Variants in ASB14 observed in about 807,000 individuals in gnomAD.
ASB14 encodes ankyrin repeat and SOCS box protein 14.
Under a neutral mutation model 55.6 loss-of-function variants are expected in ASB14, and 63 were observed. The observed-to-expected ratio is 1.13, with a 90% CI of 0.92 to 1.40. ASB14 has a LOEUF of 1.40. ASB14 is among the 40% of genes most tolerant of loss of function. The probability of loss-of-function intolerance (pLI) is 0.00; values close to 1 mark genes in which losing one functional copy is unlikely to be tolerated. For missense variants in ASB14, 724 were observed against 710.4 expected, an observed-to-expected ratio of 1.02 and a Z score of -0.22; for synonymous variants, 256 against 259.9, an observed-to-expected ratio of 0.98 and a Z score of 0.15.
At chr3:57,269,835 G>A in intron 10 of ASB14, 1 of 913,334 alleles carries the variant, frequency 1.1e-6, no homozygotes, top group Non-Finnish European at 1.6e-6. Context: ...AAAAAAGATT[G>A]AACTTGATGA....
chr3:57,279,381 T>G (rs1453558530), intron 7 of ASB14, among the ~76,000 whole-genome samples: 3 of 148,776 alleles, frequency 2.0e-5, no homozygotes, highest in Non-Finnish European at 3.0e-5. Flanking sequence ...TTCAAGCAAT[T>G]CTCCTAAGAG....
At chr3:57,277,345 A>T (rs2060998390) in intron 9 of ASB14, among the ~76,000 whole-genome samples, 1 of 152,182 alleles carries the variant, frequency 6.6e-6, no homozygotes, top group Admixed American at 6.5e-5. Context: ...AAGGGAAATA[A>T]CATGAAATAA....
At chr3:57,291,834 A>G in intron 2 of ASB14, 78 bp downstream of exon 2, 1 of 1,305,552 alleles carries the variant, frequency 7.7e-7, no homozygotes. Context: ...TTGTCACAAC[A>G]CTAGAGTTAA....
chr3:57,287,869 CAG>C, intron 5 of ASB14, 30 bp downstream of exon 5: 1 of 1,533,570 alleles, frequency 6.5e-7, no homozygotes, highest in Non-Finnish European at 8.7e-7. Context: ...CTCAGTGCCA[CAG>C]ACTCTTTCAG....
chr3:57,268,544 A>G lies in ASB14; in HGVS notation c.*1097T>C. ...GTTGTTTGTGAAGACTTAATTCAGC[A>G]CTATGACTTTCAGATTTGAATTTCC... On this transcript the variant is annotated 3_prime_UTR_variant, in exon 11 of 11. Coordinates refer to ENST00000487349, the MANE Select transcript of ASB14 (RefSeq NM_001142733.3). 1 of 1,485,270 alleles carries G rather than the reference A, an allele frequency of 6.7e-7. No homozygotes were observed. The highest frequency in any genetic ancestry group is 8.9e-7 in the Non-Finnish European group (1 of 1,117,896). 92.0% of individuals were successfully genotyped at this position (1,485,270 alleles called of 1,614,324 possible).
rs578211468 is a variant in ASB14 at position 57,274,831 on chromosome 3, T to C, written c.*22+1697A>G. ...AAGCCATCATTCATTTGAAAACACT[T>C]GTAATTCCAATTCCAGTGATCACAT... On this transcript the variant is annotated intron_variant, in intron 10 of 10. Transcript: ENST00000487349. Among the ~76,000 whole-genome samples, 27 of 152,326 alleles carry C rather than the reference T, an allele frequency of 1.8e-4. 1 individual carries two copies. The East Asian group carries it at 4.8e-3, about 27-fold the overall frequency.
intron 2 of ASB14, among the ~76,000 whole-genome samples, chr3:57,291,581 T>G (rs1194972351): frequency 6.6e-6 from 1 of 152,238 alleles, no homozygotes; most frequent in Non-Finnish European, 1.5e-5. Flanking sequence ...CCCGGTTGGA[T>G]TTATGCATTT....
intron 2 of ASB14, among the ~76,000 whole-genome samples, chr3:57,291,363 G>A (rs1237984966): frequency 2.0e-5 from 1 of 50,288 alleles, no homozygotes; most frequent in Non-Finnish European, 3.8e-5. Flanking sequence ...GTGTGAGCAG[G>A]TGTGCCATAT....
At chr3:57,278,264 T>C in intron 8 of ASB14, 113 bp downstream of exon 8, 1 of 729,604 alleles carries the variant, frequency 1.4e-6, no homozygotes, top group Non-Finnish European at 2.2e-6. Flanking sequence ...ATTATTATAC[T>C]AGGATCTCTT....
intron 1 of ASB14, 38 bp downstream of exon 1, chr3:57,292,595 C>G (rs2061143203): frequency 6.5e-6 from 1 of 152,704 alleles, no homozygotes; most frequent in Non-Finnish European, 1.5e-5. Context: ...TCAGTTTTAG[C>G]ATAGAATACA....
At chr3:57,287,147 T>TTA (rs2061086836) in intron 5 of ASB14, among the ~76,000 whole-genome samples, 1 of 152,248 alleles carries the variant, frequency 6.6e-6, no homozygotes, top group Non-Finnish European at 1.5e-5. Flanking sequence ...TTTCCTCAGA[T>TTA]AGCCTTTGGC....
At chr3:57,292,211 A>G (rs1336452300) in intron 1 of ASB14, 107 bp from the exon 2 acceptor site, 5 of 844,996 alleles carry the variant, frequency 5.9e-6, no homozygotes, top group Non-Finnish European at 8.2e-6. Context: ...AAATTTCTAT[A>G]AACTTAAAAA....
chr3:57,288,672 G>A (rs1260401627), intron 3 of ASB14, among the ~76,000 whole-genome samples: 3 of 149,994 alleles, frequency 2.0e-5, no homozygotes, highest in East Asian at 2.0e-4. Context: ...TGAGCTTCGA[G>A]GGGAAATGCT....
chr3:57,291,949 TATAA>T lies in ASB14; in HGVS notation c.81_84del (p.Tyr28SerfsTer18). On this transcript the variant is annotated frameshift_variant, in exon 2 of 11. Coordinates refer to ENST00000487349, the MANE Select transcript of ASB14 (RefSeq NM_001142733.3). LOFTEE classifies it high-confidence loss of function. ...GGTGCATGTTGTGCTGTTCCTGGCT[TATAA>T]ATATCCTGCAAACTCTGTTGAATGA... is the stretch of plus-strand genomic sequence containing the variant. The T allele has an allele frequency of 6.5e-7, 1 of 1,536,774 alleles. No individual in the cohort carries two copies.
chr3:57,279,104 A>T (rs953407933), intron 7 of ASB14, 184 bp from the exon 8 acceptor site: 2 of 617,550 alleles, frequency 3.2e-6, no homozygotes, highest in Non-Finnish European at 5.5e-6. Flanking sequence ...ATTGAATGGA[A>T]TTACCGTCTA....
chr3:57,268,882 G>C lies in ASB14; in HGVS notation c.*759C>G, dbSNP rs1332195288. On this transcript the variant is annotated 3_prime_UTR_variant, in exon 11 of 11. Transcript: ENST00000487349. ...ATGTATATTTTTAATATTGCCAGGA[G>C]TGTCAAATCATTGTCCATCCAACAG... is the stretch of plus-strand genomic sequence containing the variant. 6.6e-6 allele frequency: 1 copy of C among 152,414 alleles called. No individual in the cohort carries two copies. Among genetic ancestry groups the C allele is most frequent in the African/African-American group, 2.4e-5 (1 of 41,422 alleles). 9.4% of individuals were successfully genotyped at this position (152,414 alleles called of 1,614,324 possible). A position where few individuals can be genotyped will look rare whatever the true frequency, so the allele number is the denominator to read the frequency against.
At chr3:57,289,687 C>CTT (rs34419265) in intron 2 of ASB14, among the ~76,000 whole-genome samples, 23,340 of 99,928 alleles carry the variant, frequency 0.23, 3,895 homozygotes, top group East Asian at 0.47. Flanking sequence ...ACCTTCCATT[C>CTT]TTTTTTTTTT....
intron 5 of ASB14, among the ~76,000 whole-genome samples, chr3:57,284,062 A>G (rs1163353514): frequency 1.4e-5 from 2 of 139,024 alleles, no homozygotes; most frequent in African/African-American, 5.2e-5. Flanking sequence ...GTAGTTAAAA[A>G]AATAATAATA....
intron 5 of ASB14, among the ~76,000 whole-genome samples, chr3:57,286,480 C>G (rs1040401237): frequency 3.4e-5 from 5 of 148,930 alleles, no homozygotes; most frequent in South Asian, 2.1e-4. Context: ...AGTATGAACT[C>G]ACATTTAGAG....
Sources: gnomAD v4.1 joint callset for allele counts (sites outside exome capture counted in the v4.1 genomes callset) on GRCh38, gnomAD v4.1.1 for gene constraint, MANE v1.5 for transcripts, NCBI Gene and HGNC (gene_info 2026-07-23, HGNC 2026-07-21) for gene names.